PIK3R3: variants seen among roughly 807,000 people sequenced by gnomAD.
The protein encoded by PIK3R3 is phosphatidylinositol 3-kinase regulatory subunit gamma.
PIK3R3 carries 64 observed loss-of-function variants against 62.9 expected under a neutral mutation model. The ratio of observed to expected loss-of-function variants is 1.02; its 90% confidence interval spans 0.83 to 1.25. The LOEUF (loss-of-function observed/expected upper bound fraction) is 1.25, where lower values mean the gene tolerates loss of function less well. Among genes scored for constraint, PIK3R3 ranks in the 50% most tolerant of loss-of-function variants. The probability of loss-of-function intolerance (pLI) is 0.00; values close to 1 mark genes in which losing one functional copy is unlikely to be tolerated. For missense variants in PIK3R3, 614 were observed against 561.6 expected (o/e 1.09, Z -0.94); for synonymous variants, 165 against 189.0 (o/e 0.87, Z 1.04).
chr1:46,129,264 G>A (rs1214602056), intron 1 of PIK3R3, among the ~76,000 whole-genome samples: 1 of 152,092 alleles, frequency 6.6e-6, no homozygotes, highest in Non-Finnish European at 1.5e-5. Flanking sequence ...AGGAAAAAAA[G>A]CATACATTCA....
intron 7 of PIK3R3, among the ~76,000 whole-genome samples, chr1:46,054,611 C>T (rs966600443): frequency 6.6e-5 from 10 of 152,086 alleles, no homozygotes; most frequent in Non-Finnish European, 8.8e-5. Flanking sequence ...CAAGGTCACC[C>T]ATAGATGCAT....
chr1:46,125,094 T>C (rs1654982987), intron 1 of PIK3R3, among the ~76,000 whole-genome samples: 1 of 151,902 alleles, frequency 6.6e-6, no homozygotes, highest in Non-Finnish European at 1.5e-5. Flanking sequence ...AGCGAGACTT[T>C]GTCTCAAAAA....
chr1:46,101,348 T>G (rs1652657274), intron 1 of PIK3R3, among the ~76,000 whole-genome samples: 1 of 151,320 alleles, frequency 6.6e-6, no homozygotes. Flanking sequence ...ACAAAAAAAG[T>G]AACTGGGTGT....
At chr1:46,069,062 AG>A (rs545312903) in intron 3 of PIK3R3, among the ~76,000 whole-genome samples, 12 of 152,336 alleles carry the variant, frequency 7.9e-5, no homozygotes, top group African/African-American at 2.9e-4. Flanking sequence ...CATGAGAAAT[AG>A]TGAGATTCTT....
At chr1:46,101,053 TC>T (rs1282581392) in intron 1 of PIK3R3, among the ~76,000 whole-genome samples, 1 of 148,250 alleles carries the variant, frequency 6.7e-6, no homozygotes, top group Non-Finnish European at 1.5e-5. Context: ...ACATCTGTAA[TC>T]CCAGCTACTC....
At position 46,044,208 on chromosome 1, in the gene PIK3R3, C is replaced by A. The variant is rs540973009; in HGVS notation, c.1188-337G>T. 1.3e-5 allele frequency among the ~76,000 whole-genome samples: 2 copies of A among 151,650 alleles called. No individual in the cohort carries two copies. The highest frequency in any genetic ancestry group is 4.8e-5 in the African/African-American group (2 of 41,340). On this transcript the variant is annotated intron_variant, in intron 9 of 9. Transcript: ENST00000262741. The surrounding 1 kb of genome is among the most constrained non-coding windows in gnomAD (Gnocchi z 4.2). ...CTCCCACCACAGCTTCCCAAGTAGC[C>A]GGGACTACAGGTGTGAGCCACATGC...
upstream of PIK3R3, among the ~76,000 whole-genome samples, chr1:46,133,285 C>T (rs567230743): frequency 6.6e-6 from 1 of 152,366 alleles, no homozygotes; most frequent in African/African-American, 2.4e-5. Flanking sequence ...CGCTCGGGGG[C>T]TCAAACTGCC....
chr1:46,130,376 A>T (rs1341842430), intron 1 of PIK3R3, among the ~76,000 whole-genome samples: 2 of 152,222 alleles, frequency 1.3e-5, no homozygotes, highest in African/African-American at 4.8e-5. Context: ...AAGACACAAT[A>T]GATGGGTGGC....
At position 46,120,567 on chromosome 1, in the gene PIK3R3, G is replaced by A. The variant is rs527798619; in HGVS notation, c.106+11280C>T. On this transcript the variant is annotated intron_variant, in intron 1 of 9. Transcript: ENST00000262741. Reference sequence around the variant, plus strand: ...CAGCCTGGCGACAGAGGGAGCCTCCGTCTCAAAAAAAATAGAAAATGAGAA... The same window carrying A: ...CAGCCTGGCGACAGAGGGAGCCTCCATCTCAAAAAAAATAGAAAATGAGAA... Among the ~76,000 whole-genome samples, 13 of 152,058 alleles carry A rather than the reference G, an allele frequency of 8.5e-5. No individual in the cohort carries two copies. In the South Asian group the frequency reaches 1.7e-3, roughly 19 times the overall value.
At chr1:46,092,059 C>T (rs1651686755) in intron 1 of PIK3R3, among the ~76,000 whole-genome samples, 1 of 152,130 alleles carries the variant, frequency 6.6e-6, no homozygotes, top group Non-Finnish European at 1.5e-5. Context: ...TATTTCCTCA[C>T]CTGTCCTATC....
chr1:46,109,036 A>G (rs1026578912), intron 1 of PIK3R3, among the ~76,000 whole-genome samples: 1 of 152,006 alleles, frequency 6.6e-6, no homozygotes, highest in East Asian at 1.9e-4. Flanking sequence ...GTGAGCGCCT[A>G]TAGTCCCAGC....
At chr1:46,052,086 T>C (rs957621434) in intron 7 of PIK3R3, among the ~76,000 whole-genome samples, 2 of 151,846 alleles carry the variant, frequency 1.3e-5, no homozygotes, top group East Asian at 1.9e-4. Context: ...TGCAGTGAGC[T>C]GAGATCGCGC....
the PIK3R3 span, among the ~76,000 whole-genome samples, chr1:46,146,708 C>T: frequency 1.6e-5 from 1 of 64,498 alleles, no homozygotes; most frequent in Non-Finnish European, 3.3e-5. Flanking sequence ...CACACACACA[C>T]ACACACACAC....
intron 5 of PIK3R3, among the ~76,000 whole-genome samples, chr1:46,063,985 G>A (rs1648758624): frequency 6.6e-6 from 1 of 152,180 alleles, no homozygotes; most frequent in Admixed American, 6.5e-5. Flanking sequence ...GGCTGAGTCG[G>A]GTCGATCACT....
At chr1:46,104,544 G>A (rs982795675) in intron 1 of PIK3R3, among the ~76,000 whole-genome samples, 2 of 151,986 alleles carry the variant, frequency 1.3e-5, no homozygotes, top group Admixed American at 6.6e-5. Flanking sequence ...ATCTACAAAC[G>A]AGACAGATTA....
chr1:46,056,063 T>C (rs63262762), intron 6 of PIK3R3, 92 bp from the exon 7 acceptor site: 93 of 762,204 alleles, frequency 1.2e-4, no homozygotes, highest in Middle Eastern at 3.8e-4. Context: ...TTTTTTTTTT[T>C]CCCTTGAGAT....
intron 2 of PIK3R3, among the ~76,000 whole-genome samples, chr1:46,078,394 G>A (rs1030790338): frequency 4.6e-5 from 7 of 151,984 alleles, no homozygotes; most frequent in African/African-American, 1.4e-4. Flanking sequence ...AAAATTAGCC[G>A]GACGTGGTGG....
chr1:46,160,970 AAGGAGATAGTCTGATCAGTAG>A, the PIK3R3 span, among the ~76,000 whole-genome samples: 1 of 152,194 alleles, frequency 6.6e-6, no homozygotes, highest in Admixed American at 6.5e-5. Context: ...CAATGTAGTT[AAGGAGATAGTCTGATCAGTAG>A]AGGAATTCAC....
At chr1:46,095,398 C>T (rs149686207) in intron 1 of PIK3R3, among the ~76,000 whole-genome samples, 233 of 152,226 alleles carry the variant, frequency 1.5e-3, no homozygotes, top group Admixed American at 2.4e-3. Flanking sequence ...GCAGGAGGAT[C>T]GCAGGAACAG....
Sources: allele counts gnomAD v4.1 joint callset (sites outside exome capture counted in the v4.1 genomes callset), GRCh38; gene constraint gnomAD v4.1.1; non-coding constraint Gnocchi (gnomAD v3.1); transcripts MANE v1.5; gene names NCBI Gene and HGNC (gene_info 2026-07-23, HGNC 2026-07-21).